The following LIN9 variants were observed in gnomAD, a reference collection of about 807,000 sequenced individuals.
The protein encoded by LIN9 is lin-9 DREAM MuvB core complex component.
In LIN9, 18 loss-of-function variants were observed where a neutral mutation model predicts 78.0. The observed-to-expected ratio is 0.23, with a 90% confidence interval of 0.16 to 0.34. LIN9 has a LOEUF of 0.34. Among genes scored for constraint, LIN9 ranks in the 10% least tolerant of loss-of-function variants. The pLI, the probability that LIN9 is intolerant of heterozygous loss-of-function variation, is 1.00. For missense variants in LIN9, 451 were observed against 644.1 expected, an observed-to-expected ratio of 0.70 and a Z score of 3.25; for synonymous variants, 192 against 215.2, an observed-to-expected ratio of 0.89 and a Z score of 0.94.
chr1:226,270,206 G>A (rs925959661), intron 7 of LIN9, among the ~76,000 whole-genome samples: 3 of 152,136 alleles, frequency 2.0e-5, no homozygotes, highest in Admixed American at 6.5e-5. Flanking sequence ...GATTACAGGC[G>A]TGAGCCACCG....
rs969237000 is a variant in LIN9 at position 226,286,475 on chromosome 1, G to A, written c.399-17C>T. The A allele has an allele frequency of 2.6e-6, 4 of 1,526,822 alleles. No individual in the cohort carries two copies. The highest frequency in any genetic ancestry group is 3.6e-6 in the Non-Finnish European group (4 of 1,123,206). The allele number at this position is 1,526,822 out of a possible 1,614,324, so 94.6% of individuals were successfully genotyped here. A position where few individuals can be genotyped will look rare whatever the true frequency, so the allele number is the denominator to read the frequency against. On this transcript the variant is annotated splice_polypyrimidine_tract_variant and intron_variant, in intron 5 of 14. Transcript: ENST00000681046. The stretch of plus-strand genomic sequence containing the variant: ...AAAAGTGGTCTGTAAAACAGATATA[G>A]TATTTTAATGGTTACATACAATGTG...
rs752348156 is a variant in LIN9, at chr1:226,264,302, G to A, written c.1038+1231C>T. ...GGCTGAGGTGATTCCACTGGAACCCGGGAGGTAGAGGCTACAGTGAGCTGA... is the reference window on the plus strand; with the variant it reads ...GGCTGAGGTGATTCCACTGGAACCCAGGAGGTAGAGGCTACAGTGAGCTGA... On this transcript the variant is annotated intron_variant, in intron 10 of 14. Coordinates refer to ENST00000681046, the MANE Select transcript of LIN9 (RefSeq NM_001366245.2). Among the ~76,000 whole-genome samples, 14 of 152,088 alleles carry A rather than the reference G, an allele frequency of 9.2e-5. No homozygotes were observed. The South Asian group carries it at 2.3e-3, about 25-fold the overall frequency.
intron 7 of LIN9, among the ~76,000 whole-genome samples, chr1:226,270,345 T>C (rs1660184846): frequency 6.6e-6 from 1 of 152,128 alleles, no homozygotes; most frequent in South Asian, 2.1e-4. Context: ...AGCCAAGTTA[T>C]TAAAGCAAAT....
chr1:226,293,098 G>C (rs1250130493), intron 4 of LIN9, among the ~76,000 whole-genome samples: 2 of 152,122 alleles, frequency 1.3e-5, no homozygotes, highest in African/African-American at 4.8e-5. Flanking sequence ...AAATACGAGA[G>C]ATTTAGAAGA....
At chr1:226,301,144 G>A (rs771863678) in intron 2 of LIN9, 29 bp downstream of exon 2, 2 of 1,542,710 alleles carry the variant, frequency 1.3e-6, no homozygotes, top group Admixed American at 3.5e-5. Context: ...TTTTAGCTAT[G>A]GTATACCTAA....
At chr1:226,283,131 A>AT (rs1661171342) in intron 6 of LIN9, among the ~76,000 whole-genome samples, 1 of 151,566 alleles carries the variant, frequency 6.6e-6, no homozygotes, top group Non-Finnish European at 1.5e-5. Flanking sequence ...AGTTTATTTT[A>AT]TTTACTTATT....
At chr1:226,302,869 C>T (rs1277443712) in intron 1 of LIN9, among the ~76,000 whole-genome samples, 1 of 152,180 alleles carries the variant, frequency 6.6e-6, no homozygotes, top group Non-Finnish European at 1.5e-5. Context: ...TCCTTAAACA[C>T]TATGCATCTC....
intron 11 of LIN9, among the ~76,000 whole-genome samples, chr1:226,248,776 T>C: frequency 6.6e-6 from 1 of 152,164 alleles, no homozygotes; most frequent in South Asian, 2.1e-4. Flanking sequence ...CTTAATACTA[T>C]TTATGGAGAA....
chr1:226,274,137 C>T (rs1312251814), intron 7 of LIN9, among the ~76,000 whole-genome samples: 1 of 152,182 alleles, frequency 6.6e-6, no homozygotes, highest in Non-Finnish European at 1.5e-5. Context: ...CTGGCCTTAA[C>T]ATTACTTTCT....
At chr1:226,240,679 G>A (rs557608117) in intron 11 of LIN9, among the ~76,000 whole-genome samples, 13 of 152,000 alleles carry the variant, frequency 8.6e-5, no homozygotes, top group South Asian at 8.3e-4. Flanking sequence ...GTGAGCCACC[G>A]CGCCTGGCCT....
intron 1 of LIN9, among the ~76,000 whole-genome samples, chr1:226,303,359 G>GAT (rs1424341510): frequency 6.6e-6 from 1 of 152,070 alleles, no homozygotes; most frequent in African/African-American, 2.4e-5. Flanking sequence ...ATCGAGTAAT[G>GAT]ATAAGCACTC....
chr1:226,284,924 G>A (rs933252964), intron 6 of LIN9, among the ~76,000 whole-genome samples: 1 of 152,060 alleles, frequency 6.6e-6, no homozygotes, highest in African/African-American at 2.4e-5. Flanking sequence ...CCAAGTGGAT[G>A]GAGTTTCACC....
chr1:226,306,820 T>C (rs1442365830), intron 1 of LIN9, among the ~76,000 whole-genome samples: 2 of 152,176 alleles, frequency 1.3e-5, no homozygotes, highest in Non-Finnish European at 2.9e-5. Context: ...AAGACCCTGC[T>C]CTAGTTTCAG....
chr1:226,282,232 C>T (rs1197249796), intron 6 of LIN9, among the ~76,000 whole-genome samples: 2 of 151,994 alleles, frequency 1.3e-5, no homozygotes, highest in Non-Finnish European at 1.5e-5. Context: ...ATAATCATTC[C>T]CCCATTTATG....
intron 6 of LIN9, 64 bp downstream of exon 6, chr1:226,286,269 A>C (rs560305479): frequency 2.6e-6 from 4 of 1,534,346 alleles, no homozygotes; most frequent in Non-Finnish European, 2.6e-6. Context: ...AACTGGGATT[A>C]TAAGTACATG....
chr1:226,298,896 C>A (rs1300701555), intron 2 of LIN9, among the ~76,000 whole-genome samples: 4 of 151,666 alleles, frequency 2.6e-5, no homozygotes, highest in Admixed American at 2.0e-4. Context: ...TGTCCCCTCA[C>A]AAAAAAAGAA....
intron 11 of LIN9, among the ~76,000 whole-genome samples, chr1:226,248,714 AAG>A (rs1473403576): frequency 2.6e-5 from 4 of 152,180 alleles, no homozygotes; most frequent in African/African-American, 7.2e-5. Flanking sequence ...TGCACAGAAA[AAG>A]AAATCCATAT....
intron 6 of LIN9, among the ~76,000 whole-genome samples, chr1:226,281,376 A>T (rs1661040222): frequency 6.6e-6 from 1 of 152,022 alleles, no homozygotes; most frequent in Admixed American, 6.6e-5. Flanking sequence ...TAGAAGGAAT[A>T]AGTTCTAGTA....
At chr1:226,286,495 A>T (rs1348046082) in intron 5 of LIN9, 37 bp from the exon 6 acceptor site, 2 of 1,467,172 alleles carry the variant, frequency 1.4e-6, no homozygotes, top group African/African-American at 2.8e-5. Context: ...GGTTACATAC[A>T]ATGTGTTACT....
Sources: allele counts gnomAD v4.1 joint callset (sites outside exome capture counted in the v4.1 genomes callset), GRCh38; gene constraint gnomAD v4.1.1; transcripts MANE v1.5; gene names NCBI Gene and HGNC (gene_info 2026-07-23, HGNC 2026-07-21).